The following GRM8 variants were observed in gnomAD, a reference collection of about 807,000 sequenced individuals.
The protein encoded by GRM8 is glutamate metabotropic receptor 8.
A neutral mutation model predicts 87.2 loss-of-function variants in GRM8; 47 were observed. The observed-to-expected ratio is 0.54, with a 90% CI of 0.43 to 0.69. The LOEUF (loss-of-function observed/expected upper bound fraction) is 0.69. GRM8 is among the 30% of genes least tolerant of loss of function. GRM8 has a pLI of 0.00. For missense variants in GRM8, 1,019 were observed against 1,139.2 expected, an observed-to-expected ratio of 0.89 and a Z score of 1.52; for synonymous variants, 396 against 404.5, an observed-to-expected ratio of 0.98 and a Z score of 0.25.
intron 3 of GRM8, among the ~76,000 whole-genome samples, chr7:127,027,693 C>T (rs1392332886): frequency 6.6e-6 from 1 of 152,166 alleles, no homozygotes; most frequent in African/African-American, 2.4e-5. Context: ...TATGCTGAGA[C>T]TTTGCTGAAG....
intron 2 of GRM8, among the ~76,000 whole-genome samples, chr7:127,182,472 G>C (rs994242364): frequency 6.6e-6 from 1 of 152,004 alleles, no homozygotes; most frequent in Non-Finnish European, 1.5e-5. Context: ...ACTACTATTT[G>C]ACCCAGCAAT....
chr7:126,659,992 A>G (rs539194195), intron 7 of GRM8, among the ~76,000 whole-genome samples: 1 of 152,034 alleles, frequency 6.6e-6, no homozygotes, highest in Non-Finnish European at 1.5e-5. Flanking sequence ...AATATCATTG[A>G]TTTGTCTTAT....
At chr7:126,867,862 C>G (rs1392750448) in intron 6 of GRM8, among the ~76,000 whole-genome samples, 1 of 152,126 alleles carries the variant, frequency 6.6e-6, no homozygotes, top group Non-Finnish European at 1.5e-5. Flanking sequence ...AGTAATAAAT[C>G]CATAATGAAT....
At chr7:126,740,467 A>G (rs1298196327) in intron 7 of GRM8, among the ~76,000 whole-genome samples, 1 of 152,122 alleles carries the variant, frequency 6.6e-6, no homozygotes, top group Non-Finnish European at 1.5e-5. Flanking sequence ...CTTGACTAAA[A>G]TGGTACTTTA....
chr7:127,166,507 G>A (rs769033875), intron 2 of GRM8, among the ~76,000 whole-genome samples: 5 of 152,142 alleles, frequency 3.3e-5, no homozygotes, highest in Non-Finnish European at 7.4e-5. Flanking sequence ...TTGTTGCAGG[G>A]TCCACATGAG....
At chr7:126,877,615 G>A (rs13311278) in intron 6 of GRM8, among the ~76,000 whole-genome samples, 4 of 152,048 alleles carry the variant, frequency 2.6e-5, no homozygotes, top group Non-Finnish European at 5.9e-5. Context: ...CCTGAAATGC[G>A]GTCCACCAAC....
intron 8 of GRM8, among the ~76,000 whole-genome samples, chr7:126,596,169 C>T (rs757755357): frequency 2.6e-5 from 4 of 152,118 alleles, no homozygotes; most frequent in East Asian, 1.9e-4. Flanking sequence ...TGGGTATATA[C>T]GCCAGTAATG....
intron 6 of GRM8, among the ~76,000 whole-genome samples, chr7:126,797,243 G>A (rs1003656569): frequency 2.0e-5 from 3 of 151,894 alleles, no homozygotes; most frequent in Non-Finnish European, 4.4e-5. Context: ...CTTAATAAGA[G>A]TTACCACGCT....
At chr7:127,079,875 CT>C (rs1277440457) in intron 3 of GRM8, among the ~76,000 whole-genome samples, 1 of 152,126 alleles carries the variant, frequency 6.6e-6, no homozygotes. Flanking sequence ...CGTCCCCATC[CT>C]GTAAAAGTTT....
rs1362940548 is a variant in GRM8 at position 127,242,922 on chromosome 7, T to C, written c.283A>G (p.Asn95Asp). The change falls in exon 2 of 11, where the codon AAC (asparagine) becomes GAC (aspartate). Residue 95 changes from asparagine (N) to aspartate (D), a missense_variant. By Grantham distance (23) the Asn-to-Asp change is conservative. Coordinates refer to ENST00000339582, the MANE Select transcript of GRM8 (RefSeq NM_000845.3). ...QINKDPDLLSNITLGVRILDT... is the reference protein window; with the variant it reads ...QINKDPDLLSDITLGVRILDT... The stretch of plus-strand genomic sequence containing the variant: ...AGGATGCGGACACCCAGAGTGATGT[T>C]GGAAAGGAGATCAGGGTCCTTGTTA... 1 of 1,614,144 alleles carries C rather than the reference T, an allele frequency of 6.2e-7. No homozygotes were observed.
At chr7:127,236,270 C>G (rs1258958776) in intron 2 of GRM8, among the ~76,000 whole-genome samples, 1 of 152,162 alleles carries the variant, frequency 6.6e-6, no homozygotes, top group Non-Finnish European at 1.5e-5. Context: ...ATGAAAATAG[C>G]AACTCTCAAA....
chr7:127,106,738 C>A (rs1825841036), intron 2 of GRM8, 26 bp from the exon 3 acceptor site: 3 of 1,446,726 alleles, frequency 2.1e-6, no homozygotes, highest in Non-Finnish European at 2.9e-6. Context: ...TGGGTCATTT[C>A]AACCCATGAC....
chr7:127,229,501 A>T (rs1180221048), intron 2 of GRM8: 1 of 152,212 alleles, frequency 6.6e-6, no homozygotes, highest in Non-Finnish European at 1.5e-5. Context: ...TAAAAAATGA[A>T]ATTTCCTGTA....
intron 3 of GRM8, among the ~76,000 whole-genome samples, chr7:127,089,339 C>T (rs1823827373): frequency 6.6e-6 from 1 of 152,202 alleles, no homozygotes; most frequent in African/African-American, 2.4e-5. Context: ...GGAGCCAGCC[C>T]TGCCTACACC....
intron 7 of GRM8, among the ~76,000 whole-genome samples, chr7:126,636,736 T>C (rs1376070097): frequency 6.6e-6 from 1 of 152,054 alleles, no homozygotes; most frequent in Non-Finnish European, 1.5e-5. Flanking sequence ...AGTTAATTTG[T>C]TCTTATACCC....
intron 2 of GRM8, among the ~76,000 whole-genome samples, chr7:127,234,420 C>T (rs1797867164): frequency 6.6e-6 from 1 of 152,168 alleles, no homozygotes. Context: ...CAAAAATGAA[C>T]ACAATTAAAA....
At chr7:127,174,024 T>C (rs570639930) in intron 2 of GRM8, among the ~76,000 whole-genome samples, 3 of 152,168 alleles carry the variant, frequency 2.0e-5, no homozygotes, top group Non-Finnish European at 4.4e-5. Flanking sequence ...ATTAAGCAGA[T>C]AACTGACAGG....
intron 8 of GRM8, among the ~76,000 whole-genome samples, chr7:126,598,573 T>A (rs1019751466): frequency 2.0e-5 from 3 of 152,112 alleles, no homozygotes; most frequent in African/African-American, 7.2e-5. Context: ...GTGATAAATG[T>A]ATCTTAGTAA....
intron 3 of GRM8, among the ~76,000 whole-genome samples, chr7:127,090,434 C>G (rs1425835924): frequency 6.6e-6 from 1 of 152,148 alleles, no homozygotes; most frequent in African/African-American, 2.4e-5. Context: ...ATGTTACATA[C>G]CTGGAACATT....
Sources: gnomAD v4.1 joint callset for allele counts (sites outside exome capture counted in the v4.1 genomes callset) on GRCh38, gnomAD v4.1.1 for gene constraint, MANE v1.5 for transcripts, NCBI Gene and HGNC (gene_info 2026-07-23, HGNC 2026-07-21) for gene names.